The following DOT1L variants were observed in gnomAD, a reference collection of about 807,000 sequenced individuals.
DOT1L encodes the protein histone-lysine N-methyltransferase, H3 lysine-79 specific.
A neutral mutation model predicts 153.3 loss-of-function variants in DOT1L; 33 were observed. The ratio of observed to expected loss-of-function variants is 0.22; its 90% CI spans 0.16 to 0.29. DOT1L has a LOEUF of 0.29. Ranked by LOEUF, DOT1L falls within the 10% of genes least tolerant of loss-of-function variation. The pLI, the probability that DOT1L is intolerant of heterozygous loss-of-function variation, is 1.00. For synonymous variants in DOT1L, 1,135 were observed against 965.1 expected (o/e 1.18, Z -3.26); for missense variants, 1,847 against 2,119.9 (o/e 0.87, Z 2.53).
chr19:2,198,485 C>T (rs934210400), intron 7 of DOT1L, among the ~76,000 whole-genome samples: 11 of 152,208 alleles, frequency 7.2e-5, no homozygotes, highest in Admixed American at 1.3e-4. Flanking sequence ...CCCTGTCCTC[C>T]GGGCCCGGGG....
chr19:2,198,760 C>T (rs1300213743), intron 7 of DOT1L, among the ~76,000 whole-genome samples: 2 of 152,216 alleles, frequency 1.3e-5, no homozygotes, highest in Non-Finnish European at 2.9e-5. Flanking sequence ...CTTCCTGTCT[C>T]TGGATGGGCC....
chr19:2,215,100 C>T (rs1236297629), intron 19 of DOT1L, among the ~76,000 whole-genome samples: 1 of 151,986 alleles, frequency 6.6e-6, no homozygotes, highest in Non-Finnish European at 1.5e-5. Context: ...CCTATAGTCC[C>T]AGCTCCCAGG....
chr19:2,217,167 G>C lies in DOT1L; in HGVS notation c.2544+77G>C. ...GCCTGAGCGAGTTGCTAGCAGGAGG[G>C]CTTGTCCTAGTTGACCTTGGGGCAC... On this transcript the variant is annotated intron_variant, in intron 21 of 27. Coordinates refer to ENST00000398665, the MANE Select transcript of DOT1L (RefSeq NM_032482.3). The surrounding 1 kb of genome is among the most constrained non-coding windows in gnomAD (Gnocchi z 7.3). 2 of 1,474,680 alleles carry C rather than the reference G, an allele frequency of 1.4e-6. No homozygotes were observed. The highest frequency in any genetic ancestry group is 1.8e-6 in the Non-Finnish European group (2 of 1,116,078). 91.3% of individuals were successfully genotyped at this position (1,474,680 alleles called of 1,614,324 possible). A position where few individuals can be genotyped will look rare whatever the true frequency, so the allele number is the denominator to read the frequency against.
intron 23 of DOT1L, 98 bp from the exon 24 acceptor site, chr19:2,221,878 C>G: frequency 8.0e-7 from 1 of 1,257,842 alleles, no homozygotes; most frequent in African/African-American, 1.5e-5. Flanking sequence ...CCCGCCTCTC[C>G]TGGAGCCCAC....
Position 2,225,305 on chromosome 19 carries a change from C to T in DOT1L, c.3597-83C>T, listed in dbSNP as rs944013014. On this transcript the variant is annotated intron_variant, in intron 25 of 27. Transcript: ENST00000398665. ...TTCTCGTTCACCACCTCCGGAGCTC[C>T]CTGGGCTGTTGGCTGTCAGCATTTG... 6 of 1,384,178 alleles carry T rather than the reference C, an allele frequency of 4.3e-6. No homozygotes were observed. The African/African-American group carries it at 5.7e-5, about 13-fold the overall frequency. The allele number at this position is 1,384,178 out of a possible 1,614,324, so 85.7% of individuals were successfully genotyped here.
intron 3 of DOT1L, among the ~76,000 whole-genome samples, chr19:2,189,524 G>A (rs557658427): frequency 1.2e-4 from 19 of 152,322 alleles, no homozygotes; most frequent in African/African-American, 4.6e-4. Context: ...CGGACTCTCG[G>A]CCGGCCACCT....
intron 1 of DOT1L, among the ~76,000 whole-genome samples, chr19:2,165,240 T>C (rs1269668654): frequency 1.3e-5 from 2 of 151,794 alleles, no homozygotes; most frequent in Non-Finnish European, 2.9e-5. Context: ...GGGGGGCGCG[T>C]CTGCAGGGCC....
chr19:2,216,642 A>G lies in DOT1L; in HGVS notation c.2285A>G (p.Lys762Arg). Residue 762 changes from lysine (K) to arginine (R), a missense_variant, in exon 20 of 28, where the codon AAG (lysine) becomes AGG (arginine). Physicochemically the swap from Lys to Arg is conservative, Grantham distance 26 (BLOSUM62 2). This residue lies in a region of DOT1L where 281 missense variants were observed against 263.6 expected (regional missense o/e 1.07). Coordinates refer to ENST00000398665, the MANE Select transcript of DOT1L (RefSeq NM_032482.3). ...PSHVGRPRLE[K>R]LSGLAAPDYT... The stretch of plus-strand genomic sequence containing the variant: ...CACGTCGGCCGGCCGCGCCTGGAGA[A>G]GCTGTCTGGCCTAGCCGCACCCGAC... 6.2e-7 allele frequency: 1 copy of G among 1,605,604 alleles called. No individual in the cohort carries two copies.
chr19:2,228,068 C>T (rs1343196525), intron 27 of DOT1L: 2 of 1,318,392 alleles, frequency 1.5e-6, no homozygotes, highest in African/African-American at 1.5e-5. Flanking sequence ...TTCTGCAGAG[C>T]CTCGCGTCCC....
At chr19:2,201,233 T>C (rs1235752775) in intron 8 of DOT1L, among the ~76,000 whole-genome samples, 2 of 144,034 alleles carry the variant, frequency 1.4e-5, no homozygotes, top group Non-Finnish European at 3.0e-5. Flanking sequence ...CTCCCTGCAT[T>C]CCTCGTCCTC....
chr19:2,191,797 A>C lies in DOT1L; in HGVS notation c.493+557A>C, dbSNP rs111785160. ...CTGCCCCTCCCAGGTTGGGGCTCCCACCTGCTGGCATTCTTTCAGCCTCTG... is the reference window on the plus strand; with the variant it reads ...CTGCCCCTCCCAGGTTGGGGCTCCCCCCTGCTGGCATTCTTTCAGCCTCTG... On this transcript the variant is annotated intron_variant, in intron 5 of 27. Transcript: ENST00000398665. This position sits in a 1 kb window ranked among gnomAD's most constrained non-coding sequence, Gnocchi z 6.8. Among the ~76,000 whole-genome samples the C allele has an allele frequency of 0.052, 7,941 of 151,998 alleles. 273 individuals carry two copies. Among genetic ancestry groups the C allele is most frequent in the East Asian group, 0.14 (710 of 5,160 alleles).
chr19:2,188,997 G>T (rs2022673471), intron 3 of DOT1L, among the ~76,000 whole-genome samples: 1 of 152,250 alleles, frequency 6.6e-6, no homozygotes, highest in Non-Finnish European at 1.5e-5. Context: ...CTGTTGGGTT[G>T]TGGGCACTTA....
intron 1 of DOT1L, among the ~76,000 whole-genome samples, chr19:2,164,898 G>A (rs184582413): frequency 6.6e-6 from 1 of 152,326 alleles, no homozygotes; most frequent in East Asian, 1.9e-4. Context: ...GTTGGGGACA[G>A]GCTTTATTTA....
At chr19:2,213,669 G>A (rs1327980462) in intron 17 of DOT1L, 29 bp downstream of exon 17, 24 of 1,612,372 alleles carry the variant, frequency 1.5e-5, no homozygotes, top group Non-Finnish European at 1.1e-5. Context: ...CAGGTGGCAG[G>A]TGGCAGCTGG....
chr19:2,219,846 T>C (rs1269635472), intron 22 of DOT1L, among the ~76,000 whole-genome samples: 1 of 152,174 alleles, frequency 6.6e-6, no homozygotes, highest in Non-Finnish European at 1.5e-5. Context: ...TCCCCACAGC[T>C]GGACCCCGGG....
At chr19:2,174,725 TCCTC>T (rs1252886313) in intron 1 of DOT1L, among the ~76,000 whole-genome samples, 1 of 150,424 alleles carries the variant, frequency 6.6e-6, no homozygotes, top group African/African-American at 2.5e-5. Flanking sequence ...GCTCAAGTGA[TCCTC>T]CCACTTCAGT....
Position 2,227,125 on chromosome 19 carries a change from G to T in DOT1L, c.4604G>T (p.Gly1535Val), listed in dbSNP as rs368925819. The T allele has an allele frequency of 2.6e-6, 4 of 1,559,506 alleles. No homozygotes were observed. The African/African-American group carries it at 5.5e-5, about 21-fold the overall frequency. Residue 1535 changes from glycine to valine, a missense_variant and splice_region_variant, in exon 27 of 28, where the codon GGA becomes GTA. Coordinates refer to ENST00000398665, the MANE Select transcript of DOT1L (RefSeq NM_032482.3). ...TCCGGGGTGGCAGGCGGCACAGTTG[G>T]AGGTAGGCAGGGCGGCCGTCCGTCC... ...SFSGVAGGTV[G>V]GN
chr19:2,230,414 C>T lies in DOT1L; in HGVS notation c.*622C>T, dbSNP rs1316875420. ...GCACTGTGAACCCCCAGACTGTTCA[C>T]CCTCCGGGGCGTGGGTTGCGCCCTT... On this transcript the variant is annotated 3_prime_UTR_variant, in exon 28 of 28. Transcript: ENST00000398665. 4 of 400,318 alleles carry T rather than the reference C, an allele frequency of 1.0e-5. No individual in the cohort carries two copies. Among genetic ancestry groups the T allele is most frequent in the African/African-American group, 2.1e-5 (1 of 48,666 alleles). The allele number at this position is 400,318 out of a possible 1,614,324, so 24.8% of individuals were successfully genotyped here. A position where few individuals can be genotyped will look rare whatever the true frequency, so the allele number is the denominator to read the frequency against.
rs112625406 is a variant in DOT1L at position 2,224,073 on chromosome 19, A to G, written c.3596+587A>G. Among the ~76,000 whole-genome samples the G allele has an allele frequency of 2.8e-4, 43 of 152,192 alleles. 1 individual carries two copies. The highest frequency in any genetic ancestry group is 1.0e-3 in the African/African-American group (42 of 41,510). ...CCTCCTAGGAGCGGAGTCACACAGG[A>G]TGTGGCCTTTTGTGTCTGGCATCTC... On this transcript the variant is annotated intron_variant, in intron 25 of 27. Transcript: ENST00000398665.
Sources: allele counts gnomAD v4.1 joint callset (sites outside exome capture counted in the v4.1 genomes callset), GRCh38; gene constraint gnomAD v4.1.1; regional missense constraint gnomAD v4.1.1; non-coding constraint Gnocchi (gnomAD v3.1); transcripts MANE v1.5; gene names NCBI Gene and HGNC (gene_info 2026-07-23, HGNC 2026-07-21).